ACCSL: variants seen among roughly 807,000 people sequenced by gnomAD.
ACCSL encodes probable inactive 1-aminocyclopropane-1-carboxylate synthase-like protein 2.
ACCSL carries 55 observed loss-of-function variants against 61.7 expected under a neutral mutation model. That is an observed-to-expected ratio of 0.89 (90% CI 0.72 to 1.12). The LOEUF is 1.12. Among genes scored for constraint, ACCSL ranks in the 50% most tolerant of loss-of-function variants. ACCSL has a pLI of 0.00. For synonymous variants in ACCSL, 258 were observed against 264.3 expected (o/e 0.98, Z 0.23); for missense variants, 632 against 698.0 (o/e 0.91, Z 1.07).
chr11:44,023,479 T>C, the ACCSL span, among the ~76,000 whole-genome samples: 1 of 152,192 alleles, frequency 6.6e-6, no homozygotes, highest in Non-Finnish European at 1.5e-5. Context: ...TTTTTATTTC[T>C]GTATGATTGG....
At chr11:43,949,693 T>C in the ACCSL span, among the ~76,000 whole-genome samples, 2 of 152,158 alleles carry the variant, frequency 1.3e-5, no homozygotes, top group South Asian at 4.1e-4. Context: ...CACACGCCTG[T>C]AATCCCAGCT....
chr11:44,030,084 T>TTTTTTTTTTTTTTTTTTTTTA, the ACCSL span, among the ~76,000 whole-genome samples: 1 of 131,650 alleles, frequency 7.6e-6, no homozygotes, highest in Non-Finnish European at 1.6e-5. Flanking sequence ...TTTTTTTTTT[T>TTTTTTTTTTTTTTTTTTTTTA]AGTATAAAGG....
upstream of ACCSL, among the ~76,000 whole-genome samples, chr11:44,046,817 G>C (rs767536807): frequency 5.3e-5 from 8 of 152,116 alleles, no homozygotes; most frequent in Non-Finnish European, 8.8e-5. Context: ...GCAGCTGTTG[G>C]CCTCAAGCTT....
At chr11:44,051,934 C>T (rs1487656840) in intron 5 of ACCSL, among the ~76,000 whole-genome samples, 2 of 152,182 alleles carry the variant, frequency 1.3e-5, no homozygotes, top group Non-Finnish European at 2.9e-5. Context: ...CATGGTGGAC[C>T]TCAAGGAGGT....
the ACCSL span, among the ~76,000 whole-genome samples, chr11:44,019,651 C>A: frequency 6.6e-6 from 1 of 152,066 alleles, no homozygotes; most frequent in Non-Finnish European, 1.5e-5. Flanking sequence ...AAATACTAGA[C>A]CTTTATCAGA....
chr11:44,031,221 C>T, the ACCSL span, among the ~76,000 whole-genome samples: 27 of 152,296 alleles, frequency 1.8e-4, no homozygotes, highest in African/African-American at 5.8e-4. Flanking sequence ...AGAGAATAAA[C>T]GTTCGCACGT....
rs368610848 is a variant in ACCSL at position 44,059,619 on chromosome 11, A to G, written c.1625-219A>G. 3.3e-5 allele frequency among the ~76,000 whole-genome samples: 5 copies of G among 152,340 alleles called. No homozygotes were observed. The East Asian group carries it at 9.6e-4, about 29-fold the overall frequency. On this transcript the variant is annotated intron_variant, in intron 13 of 13. Coordinates refer to ENST00000378832, the MANE Select transcript of ACCSL (RefSeq NM_001031854.2). ...CCGAGAGTACAGGCTTTGATACAAGACATTGAGATGTCTCGCAGGCTGACA... is the reference window on the plus strand; with the variant it reads ...CCGAGAGTACAGGCTTTGATACAAGGCATTGAGATGTCTCGCAGGCTGACA...
the ACCSL span, among the ~76,000 whole-genome samples, chr11:43,930,631 A>T: frequency 6.6e-6 from 1 of 152,182 alleles, no homozygotes; most frequent in African/African-American, 2.4e-5. Context: ...AGCCAAGCAG[A>T]TGCTAGTGCT....
At chr11:43,939,004 T>C in the ACCSL span, among the ~76,000 whole-genome samples, 27 of 152,292 alleles carry the variant, frequency 1.8e-4, no homozygotes, top group African/African-American at 6.5e-4. Context: ...ACAAAACCAG[T>C]TGGCTTTTTC....
chr11:43,984,191 C>T, the ACCSL span, among the ~76,000 whole-genome samples: 1 of 152,102 alleles, frequency 6.6e-6, no homozygotes, highest in Middle Eastern at 3.2e-3. Flanking sequence ...AGCCTTGTCT[C>T]TGGCATGTGG....
chr11:44,031,994 T>G, the ACCSL span, among the ~76,000 whole-genome samples: 1 of 152,184 alleles, frequency 6.6e-6, no homozygotes. Flanking sequence ...TCAGCATCGG[T>G]GAAATGGGAC....
the ACCSL span, chr11:43,926,674 C>A: frequency 3.3e-6 from 1 of 305,470 alleles, no homozygotes; most frequent in Non-Finnish European, 6.5e-6. Flanking sequence ...GTGTTCTTTG[C>A]AAGAAATTAA....
At chr11:43,986,232 C>G in the ACCSL span, among the ~76,000 whole-genome samples, 43 of 151,912 alleles carry the variant, frequency 2.8e-4, 1 homozygote, top group Non-Finnish European at 5.6e-4. Flanking sequence ...CTTCAGGTGA[C>G]ATCATCTCTC....
chr11:43,935,277 C>T, the ACCSL span, among the ~76,000 whole-genome samples: 1 of 152,222 alleles, frequency 6.6e-6, no homozygotes, highest in African/African-American at 2.4e-5. Flanking sequence ...CATGTACAAG[C>T]GGTGGCTGGG....
At chr11:43,941,235 C>T in the ACCSL span, among the ~76,000 whole-genome samples, 2 of 152,166 alleles carry the variant, frequency 1.3e-5, no homozygotes, top group Non-Finnish European at 2.9e-5. Context: ...ATCCCCAGCT[C>T]ATCGCCCTAC....
At chr11:44,004,051 A>C in the ACCSL span, among the ~76,000 whole-genome samples, 3 of 152,176 alleles carry the variant, frequency 2.0e-5, no homozygotes, top group East Asian at 3.9e-4. Context: ...CCAGATGCCC[A>C]GAATGAGGTA....
chr11:43,921,381 C>A, the ACCSL span, among the ~76,000 whole-genome samples: 1 of 152,082 alleles, frequency 6.6e-6, no homozygotes, highest in Non-Finnish European at 1.5e-5. Flanking sequence ...AACAAACAAA[C>A]AAAAAATGAG....
chr11:44,018,120 G>T, the ACCSL span, among the ~76,000 whole-genome samples: 4 of 152,120 alleles, frequency 2.6e-5, no homozygotes, highest in Non-Finnish European at 5.9e-5. Flanking sequence ...CTGTATTTGG[G>T]CGTCTGTCTG....
chr11:43,967,167 C>CTTCTT, the ACCSL span, among the ~76,000 whole-genome samples: 7 of 62,706 alleles, frequency 1.1e-4, no homozygotes, highest in African/African-American at 4.1e-4. Context: ...TCTTCTTCTT[C>CTTCTT]TTTTTTTTTT....
Sources: allele counts gnomAD v4.1 joint callset (sites outside exome capture counted in the v4.1 genomes callset), GRCh38; gene constraint gnomAD v4.1.1; transcripts MANE v1.5; gene names NCBI Gene and HGNC (gene_info 2026-07-23, HGNC 2026-07-21).